Variants in FARS2 observed in about 807,000 individuals in gnomAD.
FARS2 encodes the protein phenylalanyl-tRNA synthetase 2, mitochondrial, also known as phenylalanine--tRNA ligase, mitochondrial.
In FARS2, 40 loss-of-function variants were observed where a neutral mutation model predicts 46.4. That is an observed-to-expected ratio of 0.86 (90% CI 0.67 to 1.12). FARS2 has a LOEUF of 1.12. FARS2 is among the 50% of genes most tolerant of loss of function. The pLI, the probability that FARS2 is intolerant of heterozygous loss-of-function variation, is 0.00. For synonymous variants in FARS2, 234 were observed against 214.9 expected, an observed-to-expected ratio of 1.09 and a Z score of -0.78; for missense variants, 513 against 567.9, an observed-to-expected ratio of 0.90 and a Z score of 0.98.
chr6:5,255,183 T>C, the FARS2 span, among the ~76,000 whole-genome samples: 2 of 152,330 alleles, frequency 1.3e-5, no homozygotes, highest in South Asian at 2.1e-4. Flanking sequence ...CAAGGGACCA[T>C]GGCGGGGGTC....
rs1381117696 is a variant in FARS2, at chr6:5,500,932, CCGAGAGAG to C, written c.905-44247_905-44240del. Reference sequence around the variant, plus strand: ...GACATTCCAGTCAAGCTTCAAATCCCCGAGAGAGAGAGAGAGAGAGAGAGAGAGAGAGA... The same window carrying C: ...GACATTCCAGTCAAGCTTCAAATCCCAGAGAGAGAGAGAGAGAGAGAGAGA... On this transcript the variant is annotated intron_variant, in intron 4 of 6. Coordinates refer to ENST00000274680, the MANE Select transcript of FARS2 (RefSeq NM_006567.5). Among the ~76,000 whole-genome samples, 8 of 105,396 alleles carry C rather than the reference CCGAGAGAG, an allele frequency of 7.6e-5. No homozygotes were observed. In the South Asian group the frequency reaches 1.0e-3, roughly 13 times the overall value. The allele number at this position is 105,396 out of a possible 152,430, so 69.1% of individuals were successfully genotyped here.
intron 1 of FARS2, among the ~76,000 whole-genome samples, chr6:5,346,613 T>A (rs557606555): frequency 6.6e-6 from 1 of 152,290 alleles, no homozygotes; most frequent in Admixed American, 6.5e-5. Context: ...TATGAAAAAT[T>A]TCGAGCATAC....
intron 6 of FARS2, among the ~76,000 whole-genome samples, chr6:5,769,879 C>A (rs1481638215): frequency 6.6e-6 from 1 of 152,162 alleles, no homozygotes; most frequent in East Asian, 1.9e-4. Context: ...AGCAGCTTAT[C>A]TTCCCTGAAA....
At chr6:5,652,637 AC>A (rs1308676062) in intron 6 of FARS2, among the ~76,000 whole-genome samples, 1 of 152,204 alleles carries the variant, frequency 6.6e-6, no homozygotes, top group Non-Finnish European at 1.5e-5. Flanking sequence ...CCAGGGAAGG[AC>A]AGAAAAGCAG....
intron 6 of FARS2, among the ~76,000 whole-genome samples, chr6:5,690,686 T>C (rs1270856775): frequency 6.6e-6 from 1 of 152,162 alleles, no homozygotes; most frequent in Non-Finnish European, 1.5e-5. Flanking sequence ...TTGGAGTTGC[T>C]CTTCTCGAGG....
chr6:5,359,422 C>A (rs1386379242), intron 1 of FARS2, among the ~76,000 whole-genome samples: 2 of 152,100 alleles, frequency 1.3e-5, no homozygotes, highest in Non-Finnish European at 2.9e-5. Context: ...CACTACTTTT[C>A]CCCCCATTAG....
intron 4 of FARS2, among the ~76,000 whole-genome samples, chr6:5,480,432 G>A (rs539778936): frequency 6.6e-6 from 1 of 152,356 alleles, no homozygotes; most frequent in East Asian, 1.9e-4. Flanking sequence ...ACATGGCGCA[G>A]AACGCATCTG....
upstream of FARS2, among the ~76,000 whole-genome samples, chr6:5,259,734 T>A (rs566644005): frequency 4.6e-5 from 7 of 152,282 alleles, no homozygotes; most frequent in African/African-American, 1.7e-4. Context: ...AGAGATGAGT[T>A]GATCCAACCA....
intron 6 of FARS2, among the ~76,000 whole-genome samples, chr6:5,652,069 TC>T (rs1777395347): frequency 6.6e-6 from 1 of 152,140 alleles, no homozygotes; most frequent in African/African-American, 2.4e-5. Flanking sequence ...GACAGGAGTC[TC>T]CGCATGCCCA....
intron 6 of FARS2, among the ~76,000 whole-genome samples, chr6:5,741,437 C>T (rs1761331779): frequency 6.6e-6 from 1 of 152,176 alleles, no homozygotes; most frequent in Non-Finnish European, 1.5e-5. Context: ...GATTCATCCA[C>T]ACTATGTACA....
At chr6:5,645,749 A>G (rs965043184) in intron 6 of FARS2, among the ~76,000 whole-genome samples, 2 of 152,228 alleles carry the variant, frequency 1.3e-5, no homozygotes, top group South Asian at 2.1e-4. Context: ...AGCCGGCTGC[A>G]TTCAGTTGAC....
chr6:5,257,744 AAG>A (rs1259727099), upstream of FARS2, among the ~76,000 whole-genome samples: 7 of 152,148 alleles, frequency 4.6e-5, no homozygotes, highest in East Asian at 1.3e-3. Flanking sequence ...TCTGAGGTGG[AAG>A]AGTTTCATCC....
intron 6 of FARS2, among the ~76,000 whole-genome samples, chr6:5,662,366 A>G (rs9392705): frequency 0.7 from 106,517 of 152,136 alleles, 37,689 homozygotes; most frequent in South Asian, 0.79. Context: ...TATGAAATCC[A>G]ACCATCATTC....
chr6:5,770,221 C>G (rs1474629405), intron 6 of FARS2, among the ~76,000 whole-genome samples: 1 of 152,170 alleles, frequency 6.6e-6, no homozygotes, highest in African/African-American at 2.4e-5. Context: ...CCCATTTGTT[C>G]AAGGCCCTGG....
chr6:5,494,126 C>CTTT (rs56775720), intron 4 of FARS2, among the ~76,000 whole-genome samples: 1 of 131,240 alleles, frequency 7.6e-6, no homozygotes, highest in Non-Finnish European at 1.7e-5. Context: ...TTTTTTTTTT[C>CTTT]TTTTTTTTTT....
intron 6 of FARS2, among the ~76,000 whole-genome samples, chr6:5,619,188 C>T (rs1025208075): frequency 3.3e-5 from 5 of 152,154 alleles, no homozygotes; most frequent in African/African-American, 7.2e-5. Flanking sequence ...GACTGTAAGA[C>T]AAAGTAGACC....
At chr6:5,438,277 G>A (rs1332702430) in intron 4 of FARS2, among the ~76,000 whole-genome samples, 1 of 106,382 alleles carries the variant, frequency 9.4e-6, no homozygotes, top group Non-Finnish European at 1.7e-5. Flanking sequence ...TTTCAGCCAT[G>A]TGATTTTGAT....
intron 6 of FARS2, among the ~76,000 whole-genome samples, chr6:5,627,129 G>A (rs1369233920): frequency 6.6e-6 from 1 of 152,230 alleles, no homozygotes; most frequent in Non-Finnish European, 1.5e-5. Context: ...GTGATAGGTA[G>A]CTTTCAGCTC....
chr6:5,678,481 T>C (rs1361400779), intron 6 of FARS2, among the ~76,000 whole-genome samples: 6 of 152,224 alleles, frequency 3.9e-5, no homozygotes, highest in Non-Finnish European at 7.3e-5. Context: ...TCAGAGGCAC[T>C]AAGTTTACAT....
Sources: allele counts gnomAD v4.1 joint callset (sites outside exome capture counted in the v4.1 genomes callset), GRCh38; gene constraint gnomAD v4.1.1; transcripts MANE v1.5; gene names NCBI Gene and HGNC (gene_info 2026-07-23, HGNC 2026-07-21).